Variants in GDA observed in about 807,000 individuals in gnomAD.
GDA encodes the protein cytoplasmic PSD-95 interactor.
In GDA, 18 loss-of-function variants were observed where a neutral mutation model predicts 59.6. That is an observed-to-expected ratio of 0.30 (90% CI 0.21 to 0.45). GDA has a LOEUF of 0.45. GDA is among the 20% of genes least tolerant of loss of function. GDA has a pLI of 1.00. For synonymous variants in GDA, 201 were observed against 201.1 expected (o/e 1.00, Z 0.00); for missense variants, 427 against 552.3 (o/e 0.77, Z 2.27).
intron 2 of GDA, among the ~76,000 whole-genome samples, chr9:72,197,212 A>G (rs962154491): frequency 6.6e-6 from 1 of 152,226 alleles, no homozygotes; most frequent in Non-Finnish European, 1.5e-5. Context: ...CCCTGGTCAT[A>G]GTCCAGAGAG....
chr9:72,159,079 A>G (rs1473223586), intron 1 of GDA, among the ~76,000 whole-genome samples: 1 of 152,192 alleles, frequency 6.6e-6, no homozygotes, highest in Non-Finnish European at 1.5e-5. Flanking sequence ...TATTGTCCTA[A>G]GGCCCCTTCA....
At position 72,223,193 on chromosome 9, in the gene GDA, G is replaced by A; in HGVS notation, c.680G>A (p.Gly227Asp). The A allele has an allele frequency of 5.6e-6, 9 of 1,612,732 alleles. No individual in the cohort carries two copies. Among genetic ancestry groups the A allele is most frequent in the Non-Finnish European group, 7.6e-6 (9 of 1,178,886 alleles). ...SCSETLMGEL[G>D]NIAKTRDLHI... is the part of the protein sequence containing the mutation. ...TCTGAGACTTTGATGGGTGAACTGG[G>A]CAACATTGCTAAAACCCGTGATTTG... is the stretch of plus-strand genomic sequence containing the variant. Residue 227 changes from glycine (G) to aspartate (D), a missense_variant, in exon 7 of 14, where the codon GGC (glycine) becomes GAC (aspartate). Transcript: ENST00000358399.
chr9:72,133,780 T>C (rs1399813927), intron 1 of GDA, among the ~76,000 whole-genome samples: 3 of 152,242 alleles, frequency 2.0e-5, no homozygotes, highest in Non-Finnish European at 4.4e-5. Context: ...GCTGTGACCC[T>C]ATGAATGGGG....
chr9:72,253,446 A>G (rs1375491127), downstream of GDA: 5 of 152,142 alleles, frequency 3.3e-5, no homozygotes, highest in Non-Finnish European at 7.4e-5. Context: ...GACTGCATGT[A>G]GCTGACTCTA....
chr9:72,216,719 A>G (rs1248885559), intron 5 of GDA, among the ~76,000 whole-genome samples: 1 of 151,232 alleles, frequency 6.6e-6, no homozygotes, highest in Non-Finnish European at 1.5e-5. Context: ...TTTGTTGCCC[A>G]GGCTGGAGTG....
chr9:72,167,087 CT>C (rs1386426262), intron 1 of GDA, among the ~76,000 whole-genome samples: 1 of 152,138 alleles, frequency 6.6e-6, no homozygotes, highest in African/African-American at 2.4e-5. Context: ...GAAATTGACG[CT>C]TTTGGTCTTA....
chr9:72,254,863 G>T (rs1226209469), downstream of GDA, among the ~76,000 whole-genome samples: 3 of 152,138 alleles, frequency 2.0e-5, no homozygotes, highest in Non-Finnish European at 4.4e-5. Flanking sequence ...GGTGATTTTT[G>T]TTTTTGTTTT....
chr9:72,194,916 A>G (rs1283191463), intron 1 of GDA, among the ~76,000 whole-genome samples: 1 of 152,166 alleles, frequency 6.6e-6, no homozygotes, highest in Non-Finnish European at 1.5e-5. Context: ...ACAGAACAGC[A>G]CTGAGTTCGG....
At chr9:72,121,139 A>G (rs761909827) in intron 1 of GDA, among the ~76,000 whole-genome samples, 3 of 152,186 alleles carry the variant, frequency 2.0e-5, no homozygotes, top group Non-Finnish European at 2.9e-5. Flanking sequence ...TAGGTACTGA[A>G]GCCTCTTAAA....
intron 9 of GDA, among the ~76,000 whole-genome samples, chr9:72,230,427 G>T (rs949707549): frequency 6.6e-6 from 1 of 151,522 alleles, no homozygotes; most frequent in African/African-American, 2.4e-5. Flanking sequence ...GAAGGAGATG[G>T]TTGCAGTGAG....
rs1826865748 is a variant in GDA, at chr9:72,149,467, C to G, written c.-93C>G. 2 of 1,478,058 alleles carry G rather than the reference C, an allele frequency of 1.4e-6. No homozygotes were observed. The highest frequency in any genetic ancestry group is 3.8e-5 in the Admixed American group (2 of 52,472). The allele number at this position is 1,478,058 out of a possible 1,614,324, so 91.6% of individuals were successfully genotyped here. A position where few individuals can be genotyped will look rare whatever the true frequency, so the allele number is the denominator to read the frequency against. On this transcript the variant is annotated 5_prime_UTR_variant, in exon 1 of 14. Coordinates refer to ENST00000358399, the MANE Select transcript of GDA (RefSeq NM_004293.5). Reference sequence around the variant, plus strand: ...GACAAGGCCGGAGCCTGTGTCCGCCCGGCAGCCGCCCGCAGCTGCAGAGAG... The same window carrying G: ...GACAAGGCCGGAGCCTGTGTCCGCCGGGCAGCCGCCCGCAGCTGCAGAGAG...
At position 72,170,877 on chromosome 9, in the gene GDA, G is replaced by A. The variant is rs60316608; in HGVS notation, c.123+21195G>A. The stretch of plus-strand genomic sequence containing the variant: ...GTCACCTTGGCTGTAGTGCAGTGGC[G>A]CGATCATAGTTCACTGCAGCCTCAA... On this transcript the variant is annotated intron_variant, in intron 1 of 13. Transcript: ENST00000358399. Among the ~76,000 whole-genome samples, 390 of 152,190 alleles carry A rather than the reference G, an allele frequency of 2.6e-3. 2 individuals are homozygous for A. The highest frequency in any genetic ancestry group is 6.8e-3 in the African/African-American group (283 of 41,530).
chr9:72,242,345 C>T (rs1000872524), intron 11 of GDA, among the ~76,000 whole-genome samples: 2 of 152,194 alleles, frequency 1.3e-5, no homozygotes, highest in African/African-American at 2.4e-5. Context: ...TCCCAATTCT[C>T]ACGTGTAACT....
chr9:72,172,451 G>C (rs542105618), intron 1 of GDA, among the ~76,000 whole-genome samples: 1 of 152,294 alleles, frequency 6.6e-6, no homozygotes, highest in South Asian at 2.1e-4. Flanking sequence ...AGAATTTGCA[G>C]ATAGTAAGAA....
In GDA at chr9:72,247,534, C is replaced by G. The variant is rs760351209; in HGVS notation, c.1294+101C>G. The G allele has an allele frequency of 5.9e-6, 4 of 678,402 alleles. No homozygotes were observed. In the African/African-American group the frequency reaches 7.5e-5, roughly 13 times the overall value. The allele number at this position is 678,402 out of a possible 1,614,324, so 42.0% of individuals were successfully genotyped here. A position where few individuals can be genotyped will look rare whatever the true frequency, so the allele number is the denominator to read the frequency against. ...TATTTATCCTACCATATATTAAACTCTGTGGATGATAATTTGCTTTGATTC... is the reference window on the plus strand; with the variant it reads ...TATTTATCCTACCATATATTAAACTGTGTGGATGATAATTTGCTTTGATTC... On this transcript the variant is annotated intron_variant, in intron 13 of 13. Coordinates refer to ENST00000358399, the MANE Select transcript of GDA (RefSeq NM_004293.5).
chr9:72,231,299 G>T, intron 10 of GDA, 118 bp downstream of exon 10: 1 of 637,416 alleles, frequency 1.6e-6, no homozygotes, highest in Non-Finnish European at 2.9e-6. Context: ...GTTTTGGGCC[G>T]GGCACGGTAG....
At chr9:72,259,440 G>C (rs960296375), downstream of GDA, among the ~76,000 whole-genome samples, 1 of 152,204 alleles carries the variant, frequency 6.6e-6, no homozygotes, top group Non-Finnish European at 1.5e-5. Flanking sequence ...GTTGGAAGCG[G>C]ACTGCTCCAC....
At chr9:72,135,507 C>T (rs1392868120) in intron 1 of GDA, among the ~76,000 whole-genome samples, 1 of 152,068 alleles carries the variant, frequency 6.6e-6, no homozygotes, top group Admixed American at 6.6e-5. Context: ...ATTCCAAATC[C>T]CAGGCTCTTA....
intron 1 of GDA, among the ~76,000 whole-genome samples, chr9:72,170,263 A>G (rs1829796465): frequency 6.6e-6 from 1 of 152,192 alleles, no homozygotes; most frequent in African/African-American, 2.4e-5. Flanking sequence ...TGTGCATATT[A>G]CTTTTAAAGA....
Sources: gnomAD v4.1 joint callset for allele counts (sites outside exome capture counted in the v4.1 genomes callset) on GRCh38, gnomAD v4.1.1 for gene constraint, MANE v1.5 for transcripts, NCBI Gene and HGNC (gene_info 2026-07-23, HGNC 2026-07-21) for gene names.